Variants in FEZ2 observed in about 807,000 individuals in gnomAD.
The protein encoded by FEZ2 is fasciculation and elongation protein zeta 2, also known as fasciculation and elongation protein zeta-2.
FEZ2 carries 51 observed loss-of-function variants against 40.4 expected under a neutral mutation model. The ratio of observed to expected loss-of-function variants is 1.26; its 90% CI spans 1.01 to 1.59. FEZ2 has a LOEUF of 1.59. Ranked by LOEUF, FEZ2 falls within the 40% of genes most tolerant of loss-of-function variation. The probability of loss-of-function intolerance (pLI) is 0.00; values close to 1 mark genes in which losing one functional copy is unlikely to be tolerated. For missense variants in FEZ2, 640 were observed against 438.3 expected, an observed-to-expected ratio of 1.46 and a Z score of -4.11; for synonymous variants, 242 against 172.0, an observed-to-expected ratio of 1.41 and a Z score of -3.18.
At chr2:36,582,355 G>A (rs1392456518) in intron 3 of FEZ2, among the ~76,000 whole-genome samples, 1 of 152,112 alleles carries the variant, frequency 6.6e-6, no homozygotes, top group Non-Finnish European at 1.5e-5. Flanking sequence ...ATCTGAAGGA[G>A]ATGGGATTAT....
chr2:36,577,903 C>G (rs1668622840), intron 5 of FEZ2, among the ~76,000 whole-genome samples: 1 of 152,172 alleles, frequency 6.6e-6, no homozygotes, highest in Non-Finnish European at 1.5e-5. Flanking sequence ...TCCCTTTACC[C>G]AACCATCATA....
At chr2:36,560,938 C>T in intron 5 of FEZ2, 1 of 894,458 alleles carries the variant, frequency 1.1e-6, no homozygotes, top group Non-Finnish European at 1.7e-6. Flanking sequence ...TAAGAATGTA[C>T]CATGATGACT....
chr2:36,577,506 G>A (rs111375818), intron 5 of FEZ2, among the ~76,000 whole-genome samples: 1,577 of 152,198 alleles, frequency 0.01, 18 homozygotes, highest in African/African-American at 0.036. Flanking sequence ...AGCCCACCTC[G>A]GCCTCCCAAA....
chr2:36,568,631 T>C (rs1466914143), intron 5 of FEZ2, among the ~76,000 whole-genome samples: 3 of 152,214 alleles, frequency 2.0e-5, no homozygotes, highest in African/African-American at 7.2e-5. Context: ...GAATTTTTGA[T>C]AGGAGCCCAT....
chr2:36,598,012 GCGCCCCCACCCGCCTCGGCCCC>G lies in FEZ2; in HGVS notation c.109_130del (p.Gly37ProfsTer15). On this transcript the variant is annotated frameshift_variant, in exon 1 of 8. Coordinates refer to ENST00000405912, the MANE Select transcript of FEZ2 (RefSeq NM_005102.3). LOFTEE classifies it high-confidence loss of function. ...GCAGGCCGGGGCCGGGAAACCGTCG[GCGCCCCCACCCGCCTCGGCCCC>G]CGCCTCCGCCCCAGGCTCGGGGCTC... The G allele has an allele frequency of 6.7e-7, 1 of 1,496,794 alleles. No individual in the cohort carries two copies. The highest frequency in any genetic ancestry group is 8.9e-7 in the Non-Finnish European group (1 of 1,128,502). The allele number at this position is 1,496,794 out of a possible 1,614,324, so 92.7% of individuals were successfully genotyped here.
intron 7 of FEZ2, chr2:36,554,143 G>T: frequency 2.1e-6 from 1 of 465,410 alleles, no homozygotes. Context: ...TCAGAAGCAG[G>T]TACAGTATAG....
At chr2:36,570,354 T>C (rs1250814609) in intron 5 of FEZ2, among the ~76,000 whole-genome samples, 1 of 152,144 alleles carries the variant, frequency 6.6e-6, no homozygotes, top group African/African-American at 2.4e-5. Flanking sequence ...AATACAAAGA[T>C]CTTCAAAATT....
chr2:36,558,156 A>G (rs1360648652), intron 6 of FEZ2: 1 of 233,132 alleles, frequency 4.3e-6, no homozygotes, highest in African/African-American at 2.2e-5. Flanking sequence ...TTAAACATGT[A>G]AGAGATGATG....
chr2:36,586,888 G>C (rs1366272845), intron 2 of FEZ2, among the ~76,000 whole-genome samples: 3 of 152,234 alleles, frequency 2.0e-5, no homozygotes, highest in Non-Finnish European at 1.5e-5. Context: ...GGAGGCTGCA[G>C]TAAGCTATGA....
At chr2:36,575,963 A>T (rs1418064166) in intron 5 of FEZ2, among the ~76,000 whole-genome samples, 1 of 152,204 alleles carries the variant, frequency 6.6e-6, no homozygotes, top group African/African-American at 2.4e-5. Context: ...AAAATATCTC[A>T]GGCAGGAGAA....
At chr2:36,592,981 T>C (rs1669112950) in intron 1 of FEZ2, among the ~76,000 whole-genome samples, 1 of 152,204 alleles carries the variant, frequency 6.6e-6, no homozygotes, top group South Asian at 2.1e-4. Flanking sequence ...GAAGTAGAAT[T>C]AGAGGCAATG....
chr2:36,581,696 A>G lies in FEZ2; in HGVS notation c.493-265T>C, dbSNP rs1233029609. The G allele has an allele frequency of 8.9e-5, 31 of 349,854 alleles. No homozygotes were observed. The Admixed American group carries it at 1.3e-3, about 14-fold the overall frequency. The allele number at this position is 349,854 out of a possible 1,614,324, so 21.7% of individuals were successfully genotyped here. Reference sequence around the variant, plus strand: ...CCATCATGATTCAGAAGGCCCTAACATGTCTTGCAAAGTCTAGGTAATCGT... The same window carrying G: ...CCATCATGATTCAGAAGGCCCTAACGTGTCTTGCAAAGTCTAGGTAATCGT... On this transcript the variant is annotated intron_variant, in intron 3 of 7. Coordinates refer to ENST00000405912, the MANE Select transcript of FEZ2 (RefSeq NM_005102.3).
At chr2:36,575,387 C>G (rs897626002) in intron 5 of FEZ2, among the ~76,000 whole-genome samples, 22 of 151,932 alleles carry the variant, frequency 1.4e-4, no homozygotes, top group Non-Finnish European at 2.4e-4. Context: ...CAAGGTCTCA[C>G]TATATTGCCC....
At chr2:36,565,493 A>C (rs145780194) in intron 5 of FEZ2, among the ~76,000 whole-genome samples, 107 of 152,242 alleles carry the variant, frequency 7.0e-4, no homozygotes, top group Admixed American at 9.8e-4. Flanking sequence ...CATAATGAGC[A>C]GCCTGCATTT....
chr2:36,568,633 G>C (rs1668320029), intron 5 of FEZ2, among the ~76,000 whole-genome samples: 1 of 152,162 alleles, frequency 6.6e-6, no homozygotes, highest in African/African-American at 2.4e-5. Context: ...ATTTTTGATA[G>C]GAGCCCATTT....
At chr2:36,589,467 G>C (rs1669003977) in intron 2 of FEZ2, among the ~76,000 whole-genome samples, 1 of 152,206 alleles carries the variant, frequency 6.6e-6, no homozygotes, top group Non-Finnish European at 1.5e-5. Flanking sequence ...GCTGGATTAA[G>C]TGTCCTTTAA....
chr2:36,591,185 G>T, intron 1 of FEZ2, 174 bp from the exon 2 acceptor site: 1 of 594,424 alleles, frequency 1.7e-6, no homozygotes, highest in Non-Finnish European at 3.0e-6. Flanking sequence ...AAAACGAGGT[G>T]AAAAATCACA....
chr2:36,566,733 C>CG (rs2125225425), intron 5 of FEZ2, among the ~76,000 whole-genome samples: 1 of 152,252 alleles, frequency 6.6e-6, no homozygotes, highest in South Asian at 2.1e-4. Context: ...AATTAGAAAT[C>CG]GAAGATCTGG....
chr2:36,569,169 A>T (rs1157642061), intron 5 of FEZ2, among the ~76,000 whole-genome samples: 1 of 152,272 alleles, frequency 6.6e-6, no homozygotes, highest in East Asian at 1.9e-4. Context: ...TGTGAAGGTT[A>T]CATGGAATAA....
Sources: allele counts gnomAD v4.1 joint callset (sites outside exome capture counted in the v4.1 genomes callset), GRCh38; gene constraint gnomAD v4.1.1; transcripts MANE v1.5; gene names NCBI Gene and HGNC (gene_info 2026-07-23, HGNC 2026-07-21).